Variants in DOCK2 observed in about 807,000 individuals in gnomAD.
The protein encoded by DOCK2 is dedicator of cytokinesis protein 2.
A neutral mutation model predicts 248.9 loss-of-function variants in DOCK2; 87 were observed. The observed-to-expected ratio is 0.35, with a 90% CI of 0.29 to 0.42. The LOEUF (loss-of-function observed/expected upper bound fraction) is 0.42. Ranked by LOEUF, DOCK2 falls within the 10% of genes least tolerant of loss-of-function variation. DOCK2 has a pLI of 1.00. For synonymous variants in DOCK2, 805 were observed against 821.6 expected (o/e 0.98, Z 0.35); for missense variants, 1,747 against 2,300.2 (o/e 0.76, Z 4.92).
At chr5:170,010,295 G>A (rs534252652) in intron 32 of DOCK2, among the ~76,000 whole-genome samples, 172 of 152,252 alleles carry the variant, frequency 1.1e-3, no homozygotes, top group African/African-American at 4.0e-3. Flanking sequence ...TTCTAGAAAG[G>A]CATGTCTTTC....
chr5:169,918,022 G>C (rs1318089262), intron 27 of DOCK2, among the ~76,000 whole-genome samples: 1 of 152,214 alleles, frequency 6.6e-6, no homozygotes, highest in Non-Finnish European at 1.5e-5. Flanking sequence ...GCAAGGAAAG[G>C]TATTTAGCTG....
intron 25 of DOCK2, among the ~76,000 whole-genome samples, chr5:169,790,068 G>A (rs1422994143): frequency 6.6e-6 from 1 of 152,196 alleles, no homozygotes; most frequent in East Asian, 1.9e-4. Flanking sequence ...TAAGGGAAGA[G>A]GAGAATCAGA....
rs561762789 is a variant in DOCK2 at position 169,933,763 on chromosome 5, C to T, written c.2800-49305C>T. On this transcript the variant is annotated intron_variant, in intron 27 of 51. Transcript: ENST00000520908. ...CTCAGACTTCCAGGCAGCTGCCAAC[C>T]TTTGCCTTCCCTTCTTGGATTTCTT... Among the ~76,000 whole-genome samples, 7 of 152,254 alleles carry T rather than the reference C, an allele frequency of 4.6e-5. No individual in the cohort carries two copies. The South Asian group carries it at 1.2e-3, about 27-fold the overall frequency.
intron 23 of DOCK2, 46 bp downstream of exon 23, chr5:169,747,550 G>C: frequency 6.8e-7 from 1 of 1,479,970 alleles, no homozygotes; most frequent in Non-Finnish European, 9.4e-7. Context: ...TGGCCATCCA[G>C]TAAATAACAG....
At chr5:169,801,171 TTTTTTTTTTTA>T (rs1766963133) in intron 25 of DOCK2, among the ~76,000 whole-genome samples, 14 of 127,828 alleles carry the variant, frequency 1.1e-4, no homozygotes, top group Non-Finnish European at 1.8e-4. Context: ...TTTTTTTTTT[TTTTTTTTTTTA>T]GTAGACTTGG....
chr5:170,035,014 C>A (rs1184893518), intron 35 of DOCK2, among the ~76,000 whole-genome samples: 1 of 152,180 alleles, frequency 6.6e-6, no homozygotes, highest in Non-Finnish European at 1.5e-5. Context: ...TGGTTAAATG[C>A]TCACTACGTA....
At chr5:170,072,898 T>A (rs560684603) in intron 46 of DOCK2, among the ~76,000 whole-genome samples, 1 of 152,354 alleles carries the variant, frequency 6.6e-6, no homozygotes, top group Non-Finnish European at 1.5e-5. Context: ...GGAGTTTATA[T>A]ATTCTAGATA....
Position 170,066,375 on chromosome 5 carries a change from A to G in DOCK2, c.4468-1135A>G, listed in dbSNP as rs115537256. ...GGATATAAAAATTGTAAACACATAT[A>G]CACCCAATGTTGGAGCACCTAAATA... On this transcript the variant is annotated intron_variant, in intron 44 of 51. Transcript: ENST00000520908. Among the ~76,000 whole-genome samples the G allele has an allele frequency of 4.1e-3, 621 of 152,364 alleles. 4 individuals carry two copies. Among genetic ancestry groups the G allele is most frequent in the African/African-American group, 0.014 (580 of 41,574 alleles).
chr5:169,814,042 C>T (rs576605257), intron 26 of DOCK2, among the ~76,000 whole-genome samples: 3 of 152,268 alleles, frequency 2.0e-5, no homozygotes, highest in East Asian at 1.9e-4. Context: ...GAAGAACCAT[C>T]GATGGTTACT....
intron 17 of DOCK2, 45 bp from the exon 18 acceptor site, chr5:169,713,983 G>T: frequency 6.5e-7 from 1 of 1,543,010 alleles, no homozygotes; most frequent in South Asian, 1.3e-5. Flanking sequence ...TGTGGCATTG[G>T]GCATGGAGCC....
Position 169,882,655 on chromosome 5 carries a change from C to T in DOCK2, c.2799+41803C>T, listed in dbSNP as rs750657614. The T allele has an allele frequency of 1.7e-5, 27 of 1,551,914 alleles. No individual in the cohort carries two copies. Among genetic ancestry groups the T allele is most frequent in the Non-Finnish European group, 2.0e-5 (23 of 1,147,042 alleles). ...CAGAGATTCCTCCACAGATTGCAGT[C>T]GGCCTTGGAGGTCGCAGAGTTCACC... is the stretch of plus-strand genomic sequence containing the variant. On this transcript the variant is annotated intron_variant, in intron 27 of 51. Coordinates refer to ENST00000520908, the MANE Select transcript of DOCK2 (RefSeq NM_004946.3).
In DOCK2 at chr5:170,082,879, C is replaced by T. The variant is rs1332609070; in HGVS notation, c.*21C>T. The T allele has an allele frequency of 2.5e-6, 4 of 1,614,148 alleles. No homozygotes were observed. The highest frequency in any genetic ancestry group is 2.5e-6 in the Non-Finnish European group (3 of 1,180,018). On this transcript the variant is annotated 3_prime_UTR_variant, in exon 52 of 52. Coordinates refer to ENST00000520908, the MANE Select transcript of DOCK2 (RefSeq NM_004946.3). ...TGTGAGCTGCTGCTGACTAGGGCTG[C>T]ATGGGAGAGCCAGGGAGGGGAGTTT...
At chr5:170,036,604 C>T (rs1447103065) in intron 36 of DOCK2, 49 bp downstream of exon 36, 2 of 1,584,666 alleles carry the variant, frequency 1.3e-6, no homozygotes, top group South Asian at 1.1e-5. Flanking sequence ...CACTTTCCTG[C>T]TCAGTATCCA....
At chr5:169,669,237 C>T in intron 2 of DOCK2, 51 bp from the exon 3 acceptor site, 1 of 1,607,300 alleles carries the variant, frequency 6.2e-7, no homozygotes, top group East Asian at 2.2e-5. Context: ...AAAACACTAG[C>T]AACAAACTTG....
At chr5:170,037,135 C>A (rs1239554341) in intron 36 of DOCK2, among the ~76,000 whole-genome samples, 1 of 151,654 alleles carries the variant, frequency 6.6e-6, no homozygotes, top group Non-Finnish European at 1.5e-5. Flanking sequence ...AAAATATATA[C>A]TTATTACAAA....
intron 32 of DOCK2, among the ~76,000 whole-genome samples, chr5:170,016,556 T>C (rs1298764623): frequency 6.6e-6 from 1 of 152,256 alleles, no homozygotes; most frequent in East Asian, 1.9e-4. Flanking sequence ...TCTCTCCGCT[T>C]TCCCTATTCT....
At chr5:169,749,287 A>G (rs966868646) in intron 23 of DOCK2, among the ~76,000 whole-genome samples, 1 of 152,218 alleles carries the variant, frequency 6.6e-6, no homozygotes, top group Admixed American at 6.5e-5. Flanking sequence ...GTGGAAATCT[A>G]TGGGAAGAAA....
At chr5:169,810,755 G>A (rs1358960271) in intron 26 of DOCK2, among the ~76,000 whole-genome samples, 1 of 152,088 alleles carries the variant, frequency 6.6e-6, no homozygotes, top group African/African-American at 2.4e-5. Context: ...GTCGCACTTA[G>A]CGCAAGCGAC....
intron 26 of DOCK2, among the ~76,000 whole-genome samples, chr5:169,828,399 G>C (rs185344547): frequency 1.8e-4 from 27 of 152,320 alleles, no homozygotes; most frequent in Admixed American, 1.5e-3. Flanking sequence ...TGTTTCATGA[G>C]ATCGGCCTCC....
Sources: allele counts gnomAD v4.1 joint callset (sites outside exome capture counted in the v4.1 genomes callset), GRCh38; gene constraint gnomAD v4.1.1; transcripts MANE v1.5; gene names NCBI Gene and HGNC (gene_info 2026-07-23, HGNC 2026-07-21).